PDE6A: variants seen among roughly 807,000 people sequenced by gnomAD.
The protein encoded by PDE6A is rod cGMP-specific 3',5'-cyclic phosphodiesterase subunit alpha.
In PDE6A, 84 loss-of-function variants were observed where a neutral mutation model predicts 106.3. The observed-to-expected ratio is 0.79, with a 90% CI of 0.66 to 0.95. The LOEUF (loss-of-function observed/expected upper bound fraction) is 0.95. Among genes scored for constraint, PDE6A ranks in the 40% least tolerant of loss-of-function variants. PDE6A has a pLI of 0.00. For synonymous variants in PDE6A, 394 were observed against 386.6 expected, an observed-to-expected ratio of 1.02 and a Z score of -0.23; for missense variants, 1,052 against 1,084.9, an observed-to-expected ratio of 0.97 and a Z score of 0.43.
In PDE6A at chr5:149,863,069, G is replaced by A. The variant is rs1298428670; in HGVS notation, c.2506+50C>T. 6.2e-7 allele frequency: 1 copy of A among 1,611,396 alleles called. No individual in the cohort carries two copies. The highest frequency in any genetic ancestry group is 1.7e-5 in the Admixed American group (1 of 60,020). On this transcript the variant is annotated intron_variant, in intron 21 of 21. Coordinates refer to ENST00000255266, the MANE Select transcript of PDE6A (RefSeq NM_000440.3). This position sits in a 1 kb window ranked among gnomAD's most constrained non-coding sequence, Gnocchi z 4.7. ...CTCTGAGGCAGGACGCAGACACTGA[G>A]TGCTCAGGGAGTGGGGTGGTGGGAG...
chr5:149,882,290 C>T (rs1760960158), intron 17 of PDE6A, among the ~76,000 whole-genome samples: 2 of 151,902 alleles, frequency 1.3e-5, no homozygotes, highest in Non-Finnish European at 1.5e-5. Flanking sequence ...CCAGTGGTCT[C>T]CTCTTCTCTG....
intron 1 of PDE6A, among the ~76,000 whole-genome samples, chr5:149,940,342 A>G (rs898249628): frequency 1.3e-5 from 2 of 152,152 alleles, no homozygotes; most frequent in Non-Finnish European, 2.9e-5. Context: ...GTCCTCCGGA[A>G]AGTCTCCTGA....
At chr5:149,903,828 A>T (rs1045201107) in intron 7 of PDE6A, 133 bp from the exon 8 acceptor site, 1 of 794,118 alleles carries the variant, frequency 1.3e-6, no homozygotes, top group Non-Finnish European at 2.3e-6. Flanking sequence ...AGGTAGACAT[A>T]GTCGAGACAG....
intron 5 of PDE6A, among the ~76,000 whole-genome samples, chr5:149,916,215 T>C (rs1037518956): frequency 2.0e-5 from 3 of 152,238 alleles, no homozygotes. Flanking sequence ...TCTGCATGTA[T>C]GCCCCAAATT....
At chr5:149,913,381 TA>T (rs11343433) in intron 6 of PDE6A, among the ~76,000 whole-genome samples, 84,358 of 137,364 alleles carry the variant, frequency 0.61, 25,632 homozygotes, top group Non-Finnish European at 0.64. Context: ...GACTCCATCT[TA>T]AAAAAAAAAA....
At chr5:149,877,149 G>T (rs972812942) in intron 17 of PDE6A, among the ~76,000 whole-genome samples, 5 of 152,144 alleles carry the variant, frequency 3.3e-5, no homozygotes, top group African/African-American at 1.2e-4. Flanking sequence ...TTTTCTGAAA[G>T]AAGTAAGATA....
chr5:149,866,129 T>C (rs1760322005), intron 20 of PDE6A, 41 bp downstream of exon 20: 1 of 1,411,638 alleles, frequency 7.1e-7, no homozygotes. Flanking sequence ...CCCAGGTTTA[T>C]CAAAGACATC....
At chr5:149,916,409 G>A (rs1164502094) in intron 5 of PDE6A, among the ~76,000 whole-genome samples, 2 of 152,218 alleles carry the variant, frequency 1.3e-5, no homozygotes, top group East Asian at 1.9e-4. Flanking sequence ...TCCCTGCAGG[G>A]TGCATCTCTA....
chr5:149,927,435 T>TTTAA (rs899423973), intron 4 of PDE6A, among the ~76,000 whole-genome samples: 11 of 152,280 alleles, frequency 7.2e-5, no homozygotes, highest in African/African-American at 2.4e-4. Flanking sequence ...TACTGTAATT[T>TTTAA]TTAATTAATT....
At chr5:149,907,207 T>G in intron 7 of PDE6A, 105 bp downstream of exon 7, 1 of 901,090 alleles carries the variant, frequency 1.1e-6, no homozygotes, top group South Asian at 1.3e-5. Context: ...CTTTTAGAGA[T>G]CCACACTTGC....
chr5:149,927,650 C>G (rs1057160550), intron 4 of PDE6A, among the ~76,000 whole-genome samples: 5 of 151,788 alleles, frequency 3.3e-5, no homozygotes, highest in African/African-American at 9.7e-5. Context: ...CTTTGACTCT[C>G]TTGTAATAAC....
intron 1 of PDE6A, among the ~76,000 whole-genome samples, chr5:149,937,754 T>A (rs1396298183): frequency 1.3e-5 from 2 of 152,172 alleles, no homozygotes; most frequent in African/African-American, 4.8e-5. Flanking sequence ...ACATTCACAG[T>A]GCCAAGCTCT....
intron 9 of PDE6A, among the ~76,000 whole-genome samples, 181 bp downstream of exon 9, chr5:149,899,194 G>A (rs770651562): frequency 3.9e-5 from 6 of 152,162 alleles, no homozygotes; most frequent in African/African-American, 9.7e-5. Flanking sequence ...AAGGAAATGT[G>A]GATTTCTCTG....
In PDE6A at chr5:149,931,051, G is replaced by A; in HGVS notation, c.835C>T (p.Leu279Phe). ...FLNCDRYSVG[L>F]LDMTKQKEFF... The stretch of plus-strand genomic sequence containing the variant: ...ACCTTCTGCTTGGTCATGTCTAAGA[G>A]ACCCACAGAGTATCTGTCACAGTTG... The change falls in exon 4 of 22, where the codon CTC (leucine) becomes TTC (phenylalanine). Residue 279 changes from leucine (L) to phenylalanine (F), a missense_variant. Physicochemically the swap from Leu to Phe is conservative, Grantham distance 22. Transcript: ENST00000255266. 2 of 1,614,088 alleles carry A rather than the reference G, an allele frequency of 1.2e-6. No individual in the cohort carries two copies. The highest frequency in any genetic ancestry group is 8.5e-7 in the Non-Finnish European group (1 of 1,179,990).
intron 1 of PDE6A, among the ~76,000 whole-genome samples, chr5:149,938,490 C>T (rs1383167432): frequency 6.6e-6 from 1 of 152,164 alleles, no homozygotes; most frequent in Non-Finnish European, 1.5e-5. Flanking sequence ...TAAGTATGCA[C>T]TCTGTCCAAG....
chr5:149,931,578 T>C (rs576693655), intron 3 of PDE6A, among the ~76,000 whole-genome samples: 2 of 152,304 alleles, frequency 1.3e-5, no homozygotes, highest in South Asian at 4.1e-4. Context: ...TATGAAATAT[T>C]AGGTGGTTCG....
chr5:149,892,428 A>T (rs1752579155), intron 13 of PDE6A, among the ~76,000 whole-genome samples: 1 of 151,964 alleles, frequency 6.6e-6, no homozygotes, highest in Non-Finnish European at 1.5e-5. Context: ...TTTGAGTTAT[A>T]GTCTATGGAT....
chr5:149,905,401 C>G (rs1165686306), intron 7 of PDE6A, among the ~76,000 whole-genome samples: 2 of 152,188 alleles, frequency 1.3e-5, no homozygotes, highest in Admixed American at 6.5e-5. Flanking sequence ...TCAGAATTGT[C>G]TCTTCATCTA....
chr5:149,908,513 G>A (rs1274103365), intron 6 of PDE6A, among the ~76,000 whole-genome samples: 1 of 152,116 alleles, frequency 6.6e-6, no homozygotes, highest in Non-Finnish European at 1.5e-5. Context: ...TTGTGGTGAG[G>A]TCTAGTGGTA....
Sources: allele counts gnomAD v4.1 joint callset (sites outside exome capture counted in the v4.1 genomes callset), GRCh38; gene constraint gnomAD v4.1.1; non-coding constraint Gnocchi (gnomAD v3.1); transcripts MANE v1.5; gene names NCBI Gene and HGNC (gene_info 2026-07-23, HGNC 2026-07-21).